Variants in SLC9A9 observed in about 807,000 individuals in gnomAD.
SLC9A9 encodes sodium/hydrogen exchanger 9.
Under a neutral mutation model 77.8 loss-of-function variants are expected in SLC9A9, and 62 were observed. The ratio of observed to expected loss-of-function variants is 0.80; its 90% CI spans 0.65 to 0.98. The LOEUF (loss-of-function observed/expected upper bound fraction) is 0.98, where lower values mean the gene tolerates loss of function less well. Ranked by LOEUF, SLC9A9 falls within the 50% of genes least tolerant of loss-of-function variation. SLC9A9 has a pLI of 0.00. For missense variants in SLC9A9, 775 were observed against 774.9 expected (o/e 1.00, Z 0.00); for synonymous variants, 320 against 283.5 (o/e 1.13, Z -1.29).
At chr3:143,303,386 T>TTGAGGGAAG (rs2030622512) in intron 14 of SLC9A9, among the ~76,000 whole-genome samples, 1 of 151,198 alleles carries the variant, frequency 6.6e-6, no homozygotes, top group African/African-American at 2.4e-5. Context: ...TTTTTTTTTT[T>TTGAGGGAAG]GAGGGAAGGA....
intron 4 of SLC9A9, among the ~76,000 whole-genome samples, chr3:143,708,549 T>G (rs893795710): frequency 6.6e-6 from 1 of 152,218 alleles, no homozygotes; most frequent in African/African-American, 2.4e-5. Context: ...AAGCATTCCT[T>G]TCTCACTGCC....
chr3:143,842,406 C>T (rs1362426163), intron 1 of SLC9A9, among the ~76,000 whole-genome samples: 1 of 151,930 alleles, frequency 6.6e-6, no homozygotes, highest in African/African-American at 2.4e-5. Context: ...CAAACAAAAA[C>T]CCCCAAAAAC....
intron 5 of SLC9A9, among the ~76,000 whole-genome samples, chr3:143,687,813 C>T (rs1933320936): frequency 6.6e-6 from 1 of 152,008 alleles, no homozygotes; most frequent in African/African-American, 2.4e-5. Context: ...ATCGAAGTGG[C>T]TGCCCAAAGT....
chr3:143,523,140 A>C (rs996730754), intron 9 of SLC9A9, among the ~76,000 whole-genome samples: 4 of 152,210 alleles, frequency 2.6e-5, no homozygotes, highest in African/African-American at 9.6e-5. Context: ...CACCTCCAGA[A>C]TCATATAAAA....
chr3:143,377,839 G>A (rs1025177911), intron 13 of SLC9A9, among the ~76,000 whole-genome samples: 2 of 152,178 alleles, frequency 1.3e-5, no homozygotes, highest in Non-Finnish European at 2.9e-5. Flanking sequence ...CCCTGCCCCT[G>A]TCTGTTTCTC....
At chr3:143,268,817 C>T (rs1937810793) in intron 15 of SLC9A9, 58 bp downstream of exon 15, 2 of 1,270,028 alleles carry the variant, frequency 1.6e-6, no homozygotes, top group South Asian at 2.3e-5. Context: ...CATCGATATT[C>T]ACCAAGTCTG....
At chr3:143,391,493 G>C (rs950732370) in intron 12 of SLC9A9, among the ~76,000 whole-genome samples, 4 of 152,192 alleles carry the variant, frequency 2.6e-5, no homozygotes, top group Non-Finnish European at 5.9e-5. Context: ...AAACCACAAA[G>C]ATGGGGAAAA....
At chr3:143,757,662 C>A (rs2006970471) in intron 4 of SLC9A9, among the ~76,000 whole-genome samples, 1 of 152,098 alleles carries the variant, frequency 6.6e-6, no homozygotes, top group Admixed American at 6.6e-5. Context: ...GTGTGCCTGC[C>A]CCACCTACTT....
chr3:143,700,862 T>C (rs1298244524), intron 4 of SLC9A9, among the ~76,000 whole-genome samples: 1 of 152,244 alleles, frequency 6.6e-6, no homozygotes, highest in African/African-American at 2.4e-5. Flanking sequence ...CCCAGTGCTG[T>C]GCTGGCTTCA....
intron 9 of SLC9A9, among the ~76,000 whole-genome samples, chr3:143,543,425 C>A (rs546980587): frequency 6.6e-6 from 1 of 151,508 alleles, no homozygotes; most frequent in Non-Finnish European, 1.5e-5. Flanking sequence ...AAGGACTACA[C>A]GTGTACTTTT....
chr3:143,326,223 A>C (rs181564073), intron 14 of SLC9A9, among the ~76,000 whole-genome samples: 1 of 152,062 alleles, frequency 6.6e-6, no homozygotes, highest in Non-Finnish European at 1.5e-5. Flanking sequence ...TGCCTAATAC[A>C]ACAGCCTGCT....
At chr3:143,465,272 T>G (rs780478255) in intron 12 of SLC9A9, among the ~76,000 whole-genome samples, 38 of 152,204 alleles carry the variant, frequency 2.5e-4, no homozygotes, top group Non-Finnish European at 5.0e-4. Context: ...CTTACTAGGC[T>G]TTGTCCTATA....
chr3:143,782,691 A>G (rs1187092564), intron 4 of SLC9A9, among the ~76,000 whole-genome samples: 1 of 152,216 alleles, frequency 6.6e-6, no homozygotes, highest in African/African-American at 2.4e-5. Flanking sequence ...TATTTCTACT[A>G]TCTCTTCGTC....
chr3:143,391,371 C>A (rs2033561298), intron 12 of SLC9A9, among the ~76,000 whole-genome samples: 3 of 152,370 alleles, frequency 2.0e-5, no homozygotes, highest in Non-Finnish European at 2.9e-5. Flanking sequence ...CAAACTCCAA[C>A]AGACCTGCAG....
chr3:143,277,114 A>C (rs1240269311), intron 14 of SLC9A9, among the ~76,000 whole-genome samples: 2 of 152,216 alleles, frequency 1.3e-5, no homozygotes, highest in Non-Finnish European at 2.9e-5. Context: ...TGGTTGGAAA[A>C]GTTAAAGGAA....
chr3:143,691,738 C>T (rs756122159), intron 5 of SLC9A9, among the ~76,000 whole-genome samples: 24 of 152,064 alleles, frequency 1.6e-4, no homozygotes, highest in Non-Finnish European at 2.8e-4. Context: ...GCATCAAATC[C>T]AGACCAAAGC....
chr3:143,353,938 ACT>A (rs1466880530), intron 14 of SLC9A9, among the ~76,000 whole-genome samples: 1 of 152,018 alleles, frequency 6.6e-6, no homozygotes, highest in African/African-American at 2.4e-5. Flanking sequence ...GTACCACATC[ACT>A]CTACCTTTAG....
At chr3:143,755,997 A>G (rs1290012161) in intron 4 of SLC9A9, among the ~76,000 whole-genome samples, 2 of 152,326 alleles carry the variant, frequency 1.3e-5, no homozygotes, top group East Asian at 3.9e-4. Flanking sequence ...GGGGAAACAG[A>G]GGTTCCAGTA....
chr3:143,613,741 T>C (rs1437410586), intron 6 of SLC9A9, among the ~76,000 whole-genome samples: 1 of 151,942 alleles, frequency 6.6e-6, no homozygotes, highest in African/African-American at 2.4e-5. Context: ...CTGAATGTCC[T>C]ATTCTATTCA....
Sources: gnomAD v4.1 joint callset for allele counts (sites outside exome capture counted in the v4.1 genomes callset) on GRCh38, gnomAD v4.1.1 for gene constraint, MANE v1.5 for transcripts, NCBI Gene and HGNC (gene_info 2026-07-23, HGNC 2026-07-21) for gene names.